The following ZNF101 variants were observed in gnomAD, a reference collection of about 807,000 sequenced individuals.
The protein encoded by ZNF101 is zinc finger protein 101 (Y2).
Under a neutral mutation model 42.6 loss-of-function variants are expected in ZNF101, and 34 were observed. The ratio of observed to expected loss-of-function variants is 0.80; its 90% CI spans 0.61 to 1.06. The LOEUF (loss-of-function observed/expected upper bound fraction) is 1.06, where lower values mean the gene tolerates loss of function less well. Among genes scored for constraint, ZNF101 ranks in the 50% least tolerant of loss-of-function variants. The pLI, the probability that ZNF101 is intolerant of heterozygous loss-of-function variation, is 0.00. For synonymous variants in ZNF101, 158 were observed against 183.9 expected, an observed-to-expected ratio of 0.86 and a Z score of 1.14; for missense variants, 466 against 530.9, an observed-to-expected ratio of 0.88 and a Z score of 1.20.
chr19:19,671,427 A>G (rs2062169142), intron 1 of ZNF101, among the ~76,000 whole-genome samples: 1 of 152,078 alleles, frequency 6.6e-6, no homozygotes, highest in South Asian at 2.1e-4. Flanking sequence ...GGTCTCTCTC[A>G]TGATCTCATG....
chr19:19,671,311 A>G (rs1489880739), intron 1 of ZNF101, among the ~76,000 whole-genome samples: 2 of 152,178 alleles, frequency 1.3e-5, no homozygotes, highest in East Asian at 1.9e-4. Context: ...GTAGTCAGAT[A>G]TGATCTTTTG....
rs758729732 is a variant in ZNF101 at position 19,680,065 on chromosome 19, C to A, written c.1076C>A (p.Thr359Asn). 1.9e-6 allele frequency: 3 copies of A among 1,613,924 alleles called. No homozygotes were observed. The highest frequency in any genetic ancestry group is 2.5e-6 in the Non-Finnish European group (3 of 1,179,902). Residue 359 changes from threonine to asparagine, a missense_variant, in exon 4 of 4, where the codon ACT (threonine) becomes AAT (asparagine). Transcript: ENST00000592502. ...AGTTGTTTTCGAAGACATAAAAAAA[C>A]TCATAGTGGAGAAAAGCCATATGAA... The part of the protein sequence containing the change: ...YPSCFRRHKK[T>N]HSGEKPYECT...
At chr19:19,677,612 A>G (rs1055170552) in intron 1 of ZNF101, 7 of 393,684 alleles carry the variant, frequency 1.8e-5, no homozygotes, top group Non-Finnish European at 2.7e-5. Flanking sequence ...GGGGCAACGC[A>G]GCAGCACAAC....
intron 2 of ZNF101, 30 bp from the exon 3 acceptor site, chr19:19,678,696 C>T: frequency 6.4e-7 from 1 of 1,551,130 alleles, no homozygotes; most frequent in Non-Finnish European, 8.8e-7. Flanking sequence ...TTAAATAATT[C>T]ATAATAATTT....
rs1335267024 is a variant in ZNF101 at position 19,682,099 on chromosome 19, ATTTTT to A, written c.*1800_*1804del. Reference sequence around the variant, plus strand: ...CACCACGCCTGGCTAATTTTTTTGTATTTTTAGTAGAGACGGGGCTTCACCATGTG... The same window carrying A: ...CACCACGCCTGGCTAATTTTTTTGTAAGTAGAGACGGGGCTTCACCATGTG... On this transcript the variant is annotated 3_prime_UTR_variant, in exon 4 of 4. Transcript: ENST00000592502. The A allele has an allele frequency of 6.6e-6, 1 of 150,986 alleles. No homozygotes were observed. Among genetic ancestry groups the A allele is most frequent in the Admixed American group, 6.6e-5 (1 of 15,108 alleles). The allele number at this position is 150,986 out of a possible 1,614,324, so 9.4% of individuals were successfully genotyped here. A position where few individuals can be genotyped will look rare whatever the true frequency, so the allele number is the denominator to read the frequency against.
rs1463168077 is a variant in ZNF101 at position 19,682,156 on chromosome 19, C to G, written c.*1856C>G. 6.6e-6 allele frequency: 1 copy of G among 151,294 alleles called. No homozygotes were observed. The highest frequency in any genetic ancestry group is 2.4e-5 in the African/African-American group (1 of 41,164). 9.4% of individuals were successfully genotyped at this position (151,294 alleles called of 1,614,324 possible). A position where few individuals can be genotyped will look rare whatever the true frequency, so the allele number is the denominator to read the frequency against. Reference sequence around the variant, plus strand: ...TTCAGGCTGGTCTCAGACTCCTGACCTTGTGATCCGCCCTCCTTGGCCTCC... The same window carrying G: ...TTCAGGCTGGTCTCAGACTCCTGACGTTGTGATCCGCCCTCCTTGGCCTCC... On this transcript the variant is annotated 3_prime_UTR_variant, in exon 4 of 4. Coordinates refer to ENST00000592502, the MANE Select transcript of ZNF101 (RefSeq NM_033204.4).
At chr19:19,669,104 C>A in intron 1 of ZNF101, 138 bp downstream of exon 1, 1 of 1,265,468 alleles carries the variant, frequency 7.9e-7, no homozygotes, top group Non-Finnish European at 1.1e-6. Flanking sequence ...CCCTTGGTCC[C>A]CTCGGTCGCC....
At chr19:19,668,550 G>C (rs1002602286), upstream of ZNF101, among the ~76,000 whole-genome samples, 1 of 152,086 alleles carries the variant, frequency 6.6e-6, no homozygotes, top group African/African-American at 2.4e-5. Flanking sequence ...GGGGGAAGGA[G>C]GGGAACAGTC....
intron 1 of ZNF101, among the ~76,000 whole-genome samples, chr19:19,673,939 G>A (rs1317774308): frequency 1.3e-5 from 2 of 151,102 alleles, no homozygotes; most frequent in Non-Finnish European, 3.0e-5. Flanking sequence ...GATTACAGGT[G>A]CCTGCCACCG....
At position 19,680,068 on chromosome 19, in the gene ZNF101, A is replaced by T. The variant is rs1201039161; in HGVS notation, c.1079A>T (p.His360Leu). 2 of 1,523,730 alleles carry T rather than the reference A, an allele frequency of 1.3e-6. No individual in the cohort carries two copies. Among genetic ancestry groups the T allele is most frequent in the Admixed American group, 3.4e-5 (2 of 58,460 alleles). 94.4% of individuals were successfully genotyped at this position (1,523,730 alleles called of 1,614,324 possible). The change falls in exon 4 of 4, where the codon CAT becomes CTT. Residue 360 changes from histidine to leucine, a missense_variant. Coordinates refer to ENST00000592502, the MANE Select transcript of ZNF101 (RefSeq NM_033204.4). ...PSCFRRHKKT[H>L]SGEKPYECTR... ...TGTTTTCGAAGACATAAAAAAACTC[A>T]TAGTGGAGAAAAGCCATATGAATGT... is the stretch of plus-strand genomic sequence containing the variant.
chr19:19,675,243 T>A (rs2062195333), intron 1 of ZNF101, among the ~76,000 whole-genome samples: 1 of 152,138 alleles, frequency 6.6e-6, no homozygotes, highest in Admixed American at 6.6e-5. Flanking sequence ...GTTCATGGGA[T>A]TCTCCTGCCT....
rs924439033 is a variant in ZNF101 at position 19,683,038 on chromosome 19, T to C, written c.*2738T>C. On this transcript the variant is annotated 3_prime_UTR_variant, in exon 4 of 4. Coordinates refer to ENST00000592502, the MANE Select transcript of ZNF101 (RefSeq NM_033204.4). ...CCAGGATGGTCTTGATTTCCTGACC[T>C]TGTGATCCACCCCACCTTGGCCTCC... The C allele has an allele frequency of 1.3e-5, 2 of 152,024 alleles. No individual in the cohort carries two copies. The highest frequency in any genetic ancestry group is 2.9e-5 in the Non-Finnish European group (2 of 68,010). The allele number at this position is 152,024 out of a possible 1,614,324, so 9.4% of individuals were successfully genotyped here.
rs1384875600 is a variant in ZNF101, at chr19:19,679,838, A to G, written c.849A>G (p.Gln283=). 3 of 1,614,024 alleles carry G rather than the reference A, an allele frequency of 1.9e-6. No individual in the cohort carries two copies. The highest frequency in any genetic ancestry group is 2.5e-6 in the Non-Finnish European group (3 of 1,179,988). The change falls in exon 4 of 4, where the codon CAA becomes CAG. Residue 283 remains glutamine (Q), a synonymous_variant. Transcript: ENST00000592502. The part of the protein sequence containing the change: ...IRSHALEKSH[Q]CQECGKKLSC... ...CTCACGCGCTGGAGAAATCCCACCAATGTCAGGAATGTGGGAAAAAACTCA... is the reference window on the plus strand; with the variant it reads ...CTCACGCGCTGGAGAAATCCCACCAGTGTCAGGAATGTGGGAAAAAACTCA...
chr19:19,674,163 G>A (rs1347677485), intron 1 of ZNF101, among the ~76,000 whole-genome samples: 1 of 151,600 alleles, frequency 6.6e-6, no homozygotes, highest in Admixed American at 6.6e-5. Context: ...ATTCAGTTTT[G>A]GTGCATATAA....
chr19:19,670,422 A>G (rs1306887725), intron 1 of ZNF101, among the ~76,000 whole-genome samples: 1 of 152,132 alleles, frequency 6.6e-6, no homozygotes, highest in Non-Finnish European at 1.5e-5. Context: ...TATTTTTTGT[A>G]GAGACAAGGT....
chr19:19,669,478 C>CATT (rs1003599363), intron 1 of ZNF101, among the ~76,000 whole-genome samples: 1 of 152,158 alleles, frequency 6.6e-6, no homozygotes, highest in Non-Finnish European at 1.5e-5. Flanking sequence ...ATCCACTTCA[C>CATT]ATTATTATTA....
chr19:19,677,683 G>A, intron 1 of ZNF101, 181 bp from the exon 2 acceptor site: 1 of 967,116 alleles, frequency 1.0e-6, no homozygotes, highest in Non-Finnish European at 1.4e-6. Flanking sequence ...CTCTGAGTAG[G>A]TCAGTTCTCA....
chr19:19,668,871 C>A lies in ZNF101; in HGVS notation c.-93C>A. ...TCCGGGTTTTAGTTCCTCGGGGAGC[C>A]CCTGGTGCCCCGGATACGGCTGATT... is the stretch of plus-strand genomic sequence containing the variant. On this transcript the variant is annotated 5_prime_UTR_variant, in exon 1 of 4. Coordinates refer to ENST00000592502, the MANE Select transcript of ZNF101 (RefSeq NM_033204.4). 6.8e-7 allele frequency: 1 copy of A among 1,460,812 alleles called. No homozygotes were observed. Among genetic ancestry groups the A allele is most frequent in the East Asian group, 2.7e-5 (1 of 36,506 alleles). The allele number at this position is 1,460,812 out of a possible 1,614,324, so 90.5% of individuals were successfully genotyped here.
rs2062248989 is a variant in ZNF101, at chr19:19,683,357, T to G, written c.*3057T>G. The G allele has an allele frequency of 6.6e-6, 1 of 152,232 alleles. No individual in the cohort carries two copies. Among genetic ancestry groups the G allele is most frequent in the Admixed American group, 6.5e-5 (1 of 15,268 alleles). The allele number at this position is 152,232 out of a possible 1,614,324, so 9.4% of individuals were successfully genotyped here. On this transcript the variant is annotated 3_prime_UTR_variant, in exon 4 of 4. Transcript: ENST00000592502. ...GCTCTTTACTCTTTGTCGTTATTTC[T>G]GAGTATTATTTGGATGGTTCATTTT...
Sources: allele counts gnomAD v4.1 joint callset (sites outside exome capture counted in the v4.1 genomes callset), GRCh38; gene constraint gnomAD v4.1.1; transcripts MANE v1.5; gene names NCBI Gene and HGNC (gene_info 2026-07-23, HGNC 2026-07-21).